The following KCNQ1 variants were observed in gnomAD, a reference collection of about 807,000 sequenced individuals.
KCNQ1 encodes the protein potassium voltage-gated channel subfamily KQT member 1.
In KCNQ1, 49 loss-of-function variants were observed where a neutral mutation model predicts 72.4. That is an observed-to-expected ratio of 0.68 (90% confidence interval 0.54 to 0.86). The LOEUF (loss-of-function observed/expected upper bound fraction) is 0.86. Ranked by LOEUF, KCNQ1 falls within the 40% of genes least tolerant of loss-of-function variation. KCNQ1 has a pLI of 0.00. For synonymous variants in KCNQ1, 450 were observed against 412.6 expected (o/e 1.09, Z -1.10); for missense variants, 790 against 945.1 (o/e 0.84, Z 2.15).
At position 2,626,062 on chromosome 11, in the gene KCNQ1, T is replaced by G. The variant is rs1849257234; in HGVS notation, c.1394-35899T>G. ...TTTTAAAATTTATCTAGTTTTACTT[T>G]TATTGCCTGTGCAAGTACAATTTAT... On this transcript the variant is annotated intron_variant, in intron 10 of 15. Coordinates refer to ENST00000155840, the MANE Select transcript of KCNQ1 (RefSeq NM_000218.3). This position sits in a 1 kb window ranked among gnomAD's most constrained non-coding sequence, Gnocchi z 4.0. 4 of 398,670 alleles carry G rather than the reference T, an allele frequency of 1.0e-5. No individual in the cohort carries two copies. In the East Asian group the frequency reaches 1.4e-4, roughly 14 times the overall value. The allele number at this position is 398,670 out of a possible 1,614,324, so 24.7% of individuals were successfully genotyped here.
rs563433876 is a variant in KCNQ1 at position 2,458,339 on chromosome 11, G to A, written c.386+12855G>A. Among the ~76,000 whole-genome samples, 1 of 152,354 alleles carries A rather than the reference G, an allele frequency of 6.6e-6. No homozygotes were observed. Among genetic ancestry groups the A allele is most frequent in the South Asian group, 2.1e-4 (1 of 4,830 alleles). ...AAAGATCTGTGGAGGTCAATAGGGA[G>A]ACCGCTCATGATGTTGAATCCTGGC... On this transcript the variant is annotated intron_variant, in intron 1 of 15. Transcript: ENST00000155840. The surrounding 1 kb of genome is among the most constrained non-coding windows in gnomAD (Gnocchi z 4.6).
rs1370433388 is a variant in KCNQ1, at chr11:2,824,707, C to T, written c.1795-23060C>T. Among the ~76,000 whole-genome samples the T allele has an allele frequency of 2.0e-5, 3 of 152,114 alleles. No homozygotes were observed. Among genetic ancestry groups the T allele is most frequent in the East Asian group, 1.9e-4 (1 of 5,174 alleles). ...CAGTACAGGAAGCAGCTGGGGGTGG[C>T]GGGAAGAAGACAGTCAGGAGCTTGG... is the stretch of plus-strand genomic sequence containing the variant. On this transcript the variant is annotated intron_variant, in intron 15 of 15. Transcript: ENST00000155840. This position sits in a 1 kb window ranked among gnomAD's most constrained non-coding sequence, Gnocchi z 5.9.
chr11:2,800,280 G>A (rs1307601211), intron 15 of KCNQ1, among the ~76,000 whole-genome samples: 1 of 152,220 alleles, frequency 6.6e-6, no homozygotes, highest in African/African-American at 2.4e-5. Flanking sequence ...GCCTCCCCCA[G>A]CAGGGTAACC....
rs542402699 is a variant in KCNQ1 at position 2,820,747 on chromosome 11, G to A, written c.1795-27020G>A. On this transcript the variant is annotated intron_variant, in intron 15 of 15. Transcript: ENST00000155840. ...CTGGGCACATGTGTCCTCTCCTTAC[G>A]TCTGGGGAAATGGTCTCCATTGAGG... is the stretch of plus-strand genomic sequence containing the variant. Among the ~76,000 whole-genome samples the A allele has an allele frequency of 3.0e-4, 46 of 152,286 alleles. No individual in the cohort carries two copies. In the South Asian group the frequency reaches 3.7e-3, roughly 12 times the overall value.
At chr11:2,606,506 C>T (rs1191218950) in intron 10 of KCNQ1, among the ~76,000 whole-genome samples, 1 of 152,204 alleles carries the variant, frequency 6.6e-6, no homozygotes, top group Admixed American at 6.5e-5. Flanking sequence ...CTCCACCTTG[C>T]TCCTGCTCTT....
rs373825660 is a variant in KCNQ1, at chr11:2,839,295, T to G, written c.1795-8472T>G. On this transcript the variant is annotated intron_variant, in intron 15 of 15. Coordinates refer to ENST00000155840, the MANE Select transcript of KCNQ1 (RefSeq NM_000218.3). ...CTCCAGTGCCACCCAGGGAGTGTTG[T>G]GCCACGTGGGCCCCCCTGGCTCTGC... Among the ~76,000 whole-genome samples, 80 of 149,808 alleles carry G rather than the reference T, an allele frequency of 5.3e-4. 2 individuals carry two copies. The highest frequency in any genetic ancestry group is 1.8e-3 in the African/African-American group (69 of 39,108).
chr11:2,779,530 T>C (rs1846779552), intron 15 of KCNQ1, among the ~76,000 whole-genome samples: 1 of 151,838 alleles, frequency 6.6e-6, no homozygotes, highest in Admixed American at 6.6e-5. Flanking sequence ...TGGCCCTTTC[T>C]GGACAGCACA....
intron 10 of KCNQ1, chr11:2,609,520 A>C (rs2133788695): frequency 2.5e-6 from 1 of 398,368 alleles, no homozygotes; most frequent in African/African-American, 2.1e-5. Context: ...GAAGTGCTCT[A>C]TAATTACCTT....
At chr11:2,689,296 C>G (rs1850549023) in intron 11 of KCNQ1, 1 of 398,598 alleles carries the variant, frequency 2.5e-6, no homozygotes, top group Admixed American at 4.4e-5. Flanking sequence ...CCACTCCAAC[C>G]CTAAGACTCA....
chr11:2,587,349 G>A (rs1177826723), intron 8 of KCNQ1, among the ~76,000 whole-genome samples: 1 of 152,220 alleles, frequency 6.6e-6, no homozygotes, highest in African/African-American at 2.4e-5. Flanking sequence ...TAGCCCATGA[G>A]GCAGTGAGCT....
chr11:2,685,980 G>A, intron 11 of KCNQ1: 1 of 398,684 alleles, frequency 2.5e-6, no homozygotes, highest in Non-Finnish European at 4.4e-6. Flanking sequence ...GTACACTCTG[G>A]GCCTCAGACT....
chr11:2,551,150 C>G (rs1046162338), intron 2 of KCNQ1, among the ~76,000 whole-genome samples: 11 of 152,106 alleles, frequency 7.2e-5, no homozygotes, highest in Admixed American at 5.9e-4. Context: ...AAACTCTCCC[C>G]CTCTGTAGAT....
chr11:2,682,820 G>A lies in KCNQ1; in HGVS notation c.1514+20739G>A, dbSNP rs1850421275. 2.5e-6 allele frequency: 1 copy of A among 398,480 alleles called. No individual in the cohort carries two copies. Among genetic ancestry groups the A allele is most frequent in the South Asian group, 1.3e-4 (1 of 7,864 alleles). 24.7% of individuals were successfully genotyped at this position (398,480 alleles called of 1,614,324 possible). ...TGCAGTGACTTGCAGTGATCCTCCT[G>A]GGGCCTTGTATAGAAGAGACCATCT... On this transcript the variant is annotated intron_variant, in intron 11 of 15. Transcript: ENST00000155840. This position sits in a 1 kb window ranked among gnomAD's most constrained non-coding sequence, Gnocchi z 5.8.
rs1850115411 is a variant in KCNQ1, at chr11:2,668,057, T to C, written c.1514+5976T>C. ...CAGCTTTGCCCACATTTGAACTTTA[T>C]GCGGTGGGAATGATGCAACTCATAC... On this transcript the variant is annotated intron_variant, in intron 11 of 15. Coordinates refer to ENST00000155840, the MANE Select transcript of KCNQ1 (RefSeq NM_000218.3). This position sits in a 1 kb window ranked among gnomAD's most constrained non-coding sequence, Gnocchi z 4.3. 9 of 398,510 alleles carry C rather than the reference T, an allele frequency of 2.3e-5. No homozygotes were observed. Among genetic ancestry groups the C allele is most frequent in the Non-Finnish European group, 3.5e-5 (8 of 226,076 alleles). The allele number at this position is 398,510 out of a possible 1,614,324, so 24.7% of individuals were successfully genotyped here.
intron 10 of KCNQ1, among the ~76,000 whole-genome samples, chr11:2,605,634 C>G (rs1281342742): frequency 1.3e-5 from 2 of 152,208 alleles, no homozygotes; most frequent in African/African-American, 4.8e-5. Flanking sequence ...ATTCTATTCC[C>G]TTGATCTACA....
chr11:2,612,085 T>C lies in KCNQ1; in HGVS notation c.1393+23231T>C, dbSNP rs1018932582. ...TTAATTACACATACATTGTTACACA[T>C]CCTGTTAGGACAGGGGTTCCCAACC... On this transcript the variant is annotated intron_variant, in intron 10 of 15. Transcript: ENST00000155840. The surrounding 1 kb of genome is among the most constrained non-coding windows in gnomAD (Gnocchi z 5.5). 2.0e-5 allele frequency: 8 copies of C among 398,648 alleles called. No individual in the cohort carries two copies. Among genetic ancestry groups the C allele is most frequent in the African/African-American group, 1.6e-4 (8 of 48,766 alleles). 24.7% of individuals were successfully genotyped at this position (398,648 alleles called of 1,614,324 possible). A position where few individuals can be genotyped will look rare whatever the true frequency, so the allele number is the denominator to read the frequency against.
chr11:2,456,765 C>CAAAAAAAAAA (rs61437708), intron 1 of KCNQ1, among the ~76,000 whole-genome samples: 52 of 31,792 alleles, frequency 1.6e-3, no homozygotes, highest in African/African-American at 2.3e-3. Flanking sequence ...ACTAAAAATC[C>CAAAAAAAAAA]AAAAAAAAAA....
At position 2,488,560 on chromosome 11, in the gene KCNQ1, T is replaced by A. The variant is rs909383100; in HGVS notation, c.387-39368T>A. 6.6e-6 allele frequency among the ~76,000 whole-genome samples: 1 copy of A among 152,208 alleles called. No individual in the cohort carries two copies. Among genetic ancestry groups the A allele is most frequent in the African/African-American group, 2.4e-5 (1 of 41,448 alleles). ...TATAGGTCCATGAAGATTTTGTATT[T>A]CTTTGTGATTTAGTTTTGGTAGGTT... On this transcript the variant is annotated intron_variant, in intron 1 of 15. Coordinates refer to ENST00000155840, the MANE Select transcript of KCNQ1 (RefSeq NM_000218.3). The surrounding 1 kb of genome is among the most constrained non-coding windows in gnomAD (Gnocchi z 5.1).
chr11:2,650,333 A>C (rs895237824), intron 10 of KCNQ1: 19 of 398,092 alleles, frequency 4.8e-5, no homozygotes, highest in African/African-American at 3.9e-4. Flanking sequence ...TTTCCCCCCA[A>C]GTTTTTTGTG....
Sources: gnomAD v4.1 joint callset for allele counts (sites outside exome capture counted in the v4.1 genomes callset) on GRCh38, gnomAD v4.1.1 for gene constraint, Gnocchi (gnomAD v3.1) non-coding constraint, MANE v1.5 for transcripts, NCBI Gene and HGNC (gene_info 2026-07-23, HGNC 2026-07-21) for gene names.